PRC1: variants seen among roughly 807,000 people sequenced by gnomAD.
PRC1 encodes protein regulator of cytokinesis 1.
Under a neutral mutation model 91.2 loss-of-function variants are expected in PRC1, and 54 were observed. That is an observed-to-expected ratio of 0.59 (90% CI 0.48 to 0.74). The LOEUF (loss-of-function observed/expected upper bound fraction) is 0.74. Ranked by LOEUF, PRC1 falls within the 30% of genes least tolerant of loss-of-function variation. The pLI is 0.00. For synonymous variants in PRC1, 275 were observed against 263.6 expected, an observed-to-expected ratio of 1.04 and a Z score of -0.42; for missense variants, 727 against 746.2, an observed-to-expected ratio of 0.97 and a Z score of 0.30.
chr15:90,980,825 T>C, intron 6 of PRC1, 59 bp downstream of exon 6: 3 of 1,606,638 alleles, frequency 1.9e-6, no homozygotes, highest in Non-Finnish European at 2.6e-6. Flanking sequence ...ACAGTCTTTA[T>C]GACTAACACA....
In PRC1 at chr15:90,969,567, T is replaced by C. The variant is rs1596273851; in HGVS notation, c.1629A>G (p.Gly543=). 1 of 1,613,666 alleles carries C rather than the reference T, an allele frequency of 6.2e-7. No homozygotes were observed. Among genetic ancestry groups the C allele is most frequent in the Non-Finnish European group, 8.5e-7 (1 of 1,179,732 alleles). The change falls in exon 13 of 15, where the codon GGA becomes GGG. Residue 543 remains glycine (G), a synonymous_variant. Coordinates refer to ENST00000394249, the MANE Select transcript of PRC1 (RefSeq NM_003981.4). ...TGAGCTCCAGGTTCTCCTTGTTGGC[T>C]CCATGCCTGCCAGTACGGGGTGTTT... ...GKKTPRTGRH[G]ANKENLELNG...
At position 90,966,971 on chromosome 15, in the gene PRC1, A is replaced by T. The variant is rs1410501060; in HGVS notation, c.*160T>A. On this transcript the variant is annotated 3_prime_UTR_variant, in exon 15 of 15. Transcript: ENST00000394249. The stretch of plus-strand genomic sequence containing the variant: ...ACCACTAAACCTATGATGGGCTTTC[A>T]ACTGTAACACTCATTCACATCTTTA... 3.1e-6 allele frequency: 2 copies of T among 653,072 alleles called. No homozygotes were observed. The highest frequency in any genetic ancestry group is 4.2e-4 in the Middle Eastern group (1 of 2,392). The allele number at this position is 653,072 out of a possible 1,614,324, so 40.5% of individuals were successfully genotyped here.
chr15:90,984,949 A>T lies in PRC1; in HGVS notation c.12-124T>A, dbSNP rs1407964896. ...CTCGAGAAAAAAACAAATTGAAAAC[A>T]AGCATTCAGCTTAATTCACCTTTAA... On this transcript the variant is annotated intron_variant, in intron 1 of 14. Transcript: ENST00000394249. The surrounding 1 kb of genome is among the most constrained non-coding windows in gnomAD (Gnocchi z 5.1). 8.1e-7 allele frequency: 1 copy of T among 1,240,942 alleles called. No individual in the cohort carries two copies. The allele number at this position is 1,240,942 out of a possible 1,614,324, so 76.9% of individuals were successfully genotyped here.
Position 90,988,828 on chromosome 15 carries a change from T to C in PRC1, c.12-4003A>G, listed in dbSNP as rs148016408. On this transcript the variant is annotated intron_variant, in intron 1 of 14. Coordinates refer to ENST00000394249, the MANE Select transcript of PRC1 (RefSeq NM_003981.4). ...AGTTGTTCAATAGATATAAAATGAA[T>C]GGCCCTGAATTCCTCCCAAAGGGTC... Among the ~76,000 whole-genome samples the C allele has an allele frequency of 7.2e-5, 11 of 152,278 alleles. No individual in the cohort carries two copies. In the South Asian group the frequency reaches 1.9e-3, roughly 26 times the overall value.
At chr15:90,980,512 CTTTTTTTTTTTTT>C (rs35250469) in intron 6 of PRC1, 123 bp from the exon 7 acceptor site, 4 of 492,830 alleles carry the variant, frequency 8.1e-6, no homozygotes, top group East Asian at 4.0e-5. Context: ...TAAATCAACA[CTTTTTTTTTTTTT>C]TTTTTTTTTT....
In PRC1 at chr15:90,974,209, A is replaced by C. The variant is rs746177034; in HGVS notation, c.1388T>G (p.Leu463Arg). 1.9e-6 allele frequency: 3 copies of C among 1,614,122 alleles called. No homozygotes were observed. The African/African-American group carries it at 4.0e-5, about 22-fold the overall frequency. The change falls in exon 11 of 15, where the codon CTG becomes CGG. Residue 463 changes from leucine to arginine, a missense_variant. Coordinates refer to ENST00000394249, the MANE Select transcript of PRC1 (RefSeq NM_003981.4). This position sits in a 1 kb window ranked among gnomAD's most constrained non-coding sequence, Gnocchi z 4.6. ...AGGTGTTCGAGGAGCGCTGCCATAC[A>C]GCATCTCTGTCTCTGTCTGTTTTTT... The part of the protein sequence containing the change: ...KNKKQTETEM[L>R]YGSAPRTPSK...
At chr15:90,977,599 T>TTC (rs1410218558) in intron 8 of PRC1, among the ~76,000 whole-genome samples, 2 of 140,398 alleles carry the variant, frequency 1.4e-5, no homozygotes, top group African/African-American at 2.7e-5. Flanking sequence ...TTTTTTTTTT[T>TTC]CTGAGACAGA....
intron 8 of PRC1, chr15:90,977,297 G>A (rs956262052): frequency 5.3e-5 from 8 of 152,288 alleles, no homozygotes; most frequent in South Asian, 2.1e-4. Flanking sequence ...CACTACACTC[G>A]GACCAGCATG....
chr15:90,971,895 G>A (rs944744328), intron 11 of PRC1, among the ~76,000 whole-genome samples: 3 of 152,086 alleles, frequency 2.0e-5, no homozygotes, highest in Non-Finnish European at 4.4e-5. Flanking sequence ...GGGCATAGTG[G>A]CGCGGGCCTG....
intron 11 of PRC1, 126 bp from the exon 12 acceptor site, chr15:90,970,640 A>G (rs1173196474): frequency 4.7e-5 from 32 of 676,358 alleles, no homozygotes; most frequent in Non-Finnish European, 6.0e-5. Context: ...TTACATGGTG[A>G]AGGGCCTGCT....
At chr15:90,989,777 TTA>T (rs1437067400) in intron 1 of PRC1, among the ~76,000 whole-genome samples, 4 of 152,038 alleles carry the variant, frequency 2.6e-5, no homozygotes, top group African/African-American at 4.8e-5. Context: ...CTTGAAAACA[TTA>T]TGTTAAGTCA....
At position 90,980,858 on chromosome 15, in the gene PRC1, G is replaced by A. The variant is rs199719104; in HGVS notation, c.822+26C>T. 11 of 1,613,822 alleles carry A rather than the reference G, an allele frequency of 6.8e-6. No individual in the cohort carries two copies. The South Asian group carries it at 9.9e-5, about 15-fold the overall frequency. ...ACAGAAGTGCTAAGAGAAGACTGCT[G>A]ACCCAGTACCCACTGGGTTTCTTAC... On this transcript the variant is annotated intron_variant, in intron 6 of 14. Coordinates refer to ENST00000394249, the MANE Select transcript of PRC1 (RefSeq NM_003981.4).
intron 7 of PRC1, among the ~76,000 whole-genome samples, chr15:90,979,842 G>A (rs567796826): frequency 1.3e-5 from 2 of 152,284 alleles, no homozygotes; most frequent in Non-Finnish European, 2.9e-5. Flanking sequence ...AATATTAAGG[G>A]TTTGACACTG....
rs1596298129 is a variant in PRC1, at chr15:90,975,648, C to G, written c.1204-917G>C. ...ATTCAAATGTTGAAGCCTTAACCCC[C>G]AGTACCTCAGAATGTGACTGTATTT... On this transcript the variant is annotated intron_variant, in intron 9 of 14. Transcript: ENST00000394249. Among the ~76,000 whole-genome samples, 3 of 152,100 alleles carry G rather than the reference C, an allele frequency of 2.0e-5. No individual in the cohort carries two copies. The East Asian group carries it at 5.8e-4, about 29-fold the overall frequency.
rs1567185830 is a variant in PRC1 at position 90,974,284 on chromosome 15, G to C, written c.1351-38C>G. On this transcript the variant is annotated intron_variant, in intron 10 of 14. Transcript: ENST00000394249. The surrounding 1 kb of genome is among the most constrained non-coding windows in gnomAD (Gnocchi z 4.6). ...CAGAAGCAACAGTGATAAATCTCAG[G>C]AAGAGAGCGGGTCTGGGATGGCAAC... 1 of 1,551,904 alleles carries C rather than the reference G, an allele frequency of 6.4e-7. No individual in the cohort carries two copies. The highest frequency in any genetic ancestry group is 1.7e-5 in the Admixed American group (1 of 59,922).
At position 90,969,102 on chromosome 15, in the gene PRC1, C is replaced by CA. The variant is rs1567178209; in HGVS notation, c.1767dup (p.Asp590Ter). 5 of 1,613,844 alleles carry CA rather than the reference C, an allele frequency of 3.1e-6. No homozygotes were observed. Among genetic ancestry groups the CA allele is most frequent in the Middle Eastern group, 1.7e-4 (1 of 6,060 alleles). On this transcript the variant is annotated frameshift_variant, in exon 14 of 15. Transcript: ENST00000394249. LOFTEE classifies it high-confidence loss of function. ...ACCTGAAGCCCAACAGTGGAACTGT[C>CA]AGAGAGGGACGGATCCTTCTAAGAA...
chr15:90,972,325 G>A (rs529072321), intron 11 of PRC1, among the ~76,000 whole-genome samples: 1 of 152,094 alleles, frequency 6.6e-6, no homozygotes, highest in African/African-American at 2.4e-5. Flanking sequence ...CTGAGCTGCA[G>A]TGAGCCATGA....
intron 7 of PRC1, 141 bp from the exon 8 acceptor site, chr15:90,979,435 AATAGAT>A (rs1391428813): frequency 2.7e-5 from 26 of 953,814 alleles, no homozygotes; most frequent in Non-Finnish European, 1.1e-5. Flanking sequence ...GTGTGTGTGT[AATAGAT>A]ATATAGTGGT....
intron 9 of PRC1, among the ~76,000 whole-genome samples, chr15:90,976,427 C>A (rs2038709206): frequency 1.3e-5 from 2 of 150,098 alleles, no homozygotes. Context: ...GATATGCCTG[C>A]CTAGGCCTCC....
Sources: gnomAD v4.1 joint callset for allele counts (sites outside exome capture counted in the v4.1 genomes callset) on GRCh38, gnomAD v4.1.1 for gene constraint, Gnocchi (gnomAD v3.1) non-coding constraint, MANE v1.5 for transcripts, NCBI Gene and HGNC (gene_info 2026-07-23, HGNC 2026-07-21) for gene names.